ECE1: variants seen among roughly 807,000 people sequenced by gnomAD.
The protein encoded by ECE1 is endothelin converting enzyme 1, also known as endothelin-converting enzyme 1.
ECE1 carries 35 observed loss-of-function variants against 98.6 expected under a neutral mutation model. That is an observed-to-expected ratio of 0.35 (90% CI 0.27 to 0.47). The LOEUF (loss-of-function observed/expected upper bound fraction) is 0.47. Ranked by LOEUF, ECE1 falls within the 20% of genes least tolerant of loss-of-function variation. The pLI, the probability that ECE1 is intolerant of heterozygous loss-of-function variation, is 1.00. For synonymous variants in ECE1, 394 were observed against 407.1 expected, an observed-to-expected ratio of 0.97 and a Z score of 0.39; for missense variants, 814 against 1,025.3, an observed-to-expected ratio of 0.79 and a Z score of 2.81.
At position 21,260,786 on chromosome 1, in the gene ECE1, C is replaced by T. The variant is rs1362672040; in HGVS notation, c.494-394G>A. Among the ~76,000 whole-genome samples, 2 of 152,146 alleles carry T rather than the reference C, an allele frequency of 1.3e-5. No individual in the cohort carries two copies. Among genetic ancestry groups the T allele is most frequent in the Non-Finnish European group, 2.9e-5 (2 of 68,032 alleles). On this transcript the variant is annotated intron_variant, in intron 4 of 18. Transcript: ENST00000374893. This position sits in a 1 kb window ranked among gnomAD's most constrained non-coding sequence, Gnocchi z 4.3. ...AGAGGCCGGTCTTGGTTTTCAGATA[C>T]CAGATGATCTTTCTTGTGATAAAGA...
chr1:21,242,906 G>A (rs2098198331), intron 10 of ECE1, among the ~76,000 whole-genome samples: 1 of 152,206 alleles, frequency 6.6e-6, no homozygotes, highest in Admixed American at 6.5e-5. Context: ...TCAGCCTCCA[G>A]GGTAGCTGGG....
At chr1:21,276,684 CTTT>C (rs1163785168) in intron 3 of ECE1, among the ~76,000 whole-genome samples, 11 of 124,574 alleles carry the variant, frequency 8.8e-5, no homozygotes, top group Admixed American at 8.5e-5. Context: ...GATTTGCTTT[CTTT>C]TTTTTTTTTT....
At chr1:21,272,101 C>A (rs59878754) in intron 4 of ECE1, among the ~76,000 whole-genome samples, 1 of 152,168 alleles carries the variant, frequency 6.6e-6, no homozygotes, top group African/African-American at 2.4e-5. Context: ...ACACACCATG[C>A]TAATGCTTTA....
rs2076283 is a variant in ECE1, at chr1:21,260,952, C to T, written c.494-560G>A. ...CACCGCCCTTGCCAACTCCAGCAAGCAGCATCTCCCTCCTGCAGTGGCTTC... is the reference window on the plus strand; with the variant it reads ...CACCGCCCTTGCCAACTCCAGCAAGTAGCATCTCCCTCCTGCAGTGGCTTC... On this transcript the variant is annotated intron_variant, in intron 4 of 18. Coordinates refer to ENST00000374893, the MANE Select transcript of ECE1 (RefSeq NM_001397.3). This position sits in a 1 kb window ranked among gnomAD's most constrained non-coding sequence, Gnocchi z 4.3. Among the ~76,000 whole-genome samples, 1 of 152,094 alleles carries T rather than the reference C, an allele frequency of 6.6e-6. No homozygotes were observed. The highest frequency in any genetic ancestry group is 1.5e-5 in the Non-Finnish European group (1 of 67,996).
chr1:21,276,274 C>A (rs1289257816), intron 3 of ECE1, among the ~76,000 whole-genome samples: 2 of 152,116 alleles, frequency 1.3e-5, no homozygotes, highest in East Asian at 3.9e-4. Context: ...GATCCACCCG[C>A]CTCGGCCTCC....
chr1:21,279,229 A>T lies in ECE1; in HGVS notation c.242T>A (p.Val81Glu), dbSNP rs776410903. Residue 81 changes from valine (V) to glutamate (E), a missense_variant, in exon 3 of 19, where the codon GTG becomes GAG. Physicochemically the swap from Val to Glu is moderately radical, Grantham distance 121 (BLOSUM62 -2). This residue lies in a region of ECE1 where 257 missense variants were observed against 278.9 expected (regional missense o/e 0.92). Coordinates refer to ENST00000374893, the MANE Select transcript of ECE1 (RefSeq NM_001397.3). ...GATGCCCAGTGCTGCCAAGCAGGCC[A>T]CCAGTCCTGCCGCCAGAAGTACCAC... Reference protein sequence around the residue: ...VLVVLLAAGLVACLAALGIQY... With the variant: ...VLVVLLAAGLEACLAALGIQY... 6.2e-7 allele frequency: 1 copy of T among 1,614,124 alleles called. No homozygotes were observed. Among genetic ancestry groups the T allele is most frequent in the South Asian group, 1.1e-5 (1 of 91,080 alleles).
Position 21,290,429 on chromosome 1 carries a change from G to C in ECE1, c.-15C>G. The C allele has an allele frequency of 8.2e-7, 1 of 1,225,282 alleles. No homozygotes were observed. The highest frequency in any genetic ancestry group is 1.0e-6 in the Non-Finnish European group (1 of 984,220). The allele number at this position is 1,225,282 out of a possible 1,614,324, so 75.9% of individuals were successfully genotyped here. Reference sequence around the variant, plus strand: ...ACGCCCCGCATGCTGTGCCCCAGACGCCTGGTCCCGCTGCCCGGGTGGCCG... The same window carrying C: ...ACGCCCCGCATGCTGTGCCCCAGACCCCTGGTCCCGCTGCCCGGGTGGCCG... On this transcript the variant is annotated 5_prime_UTR_variant, in exon 1 of 19. Coordinates refer to ENST00000374893, the MANE Select transcript of ECE1 (RefSeq NM_001397.3). This position sits in a 1 kb window ranked among gnomAD's most constrained non-coding sequence, Gnocchi z 7.3.
intron 1 of ECE1, among the ~76,000 whole-genome samples, chr1:21,304,780 G>A (rs570268056): frequency 1.3e-5 from 2 of 152,174 alleles, no homozygotes; most frequent in East Asian, 3.9e-4. Flanking sequence ...CCTCACTTGT[G>A]CATTTCACTG....
chr1:21,341,369 A>C (rs1067219), intron 1 of ECE1, among the ~76,000 whole-genome samples: 3,995 of 152,312 alleles, frequency 0.026, 178 homozygotes, highest in African/African-American at 0.089. Context: ...CAGGAGGCTT[A>C]CCCAGTCAAT....
rs1050094132 is a variant in ECE1, at chr1:21,260,219, C to T, written c.615+52G>A. On this transcript the variant is annotated intron_variant, in intron 5 of 18. Coordinates refer to ENST00000374893, the MANE Select transcript of ECE1 (RefSeq NM_001397.3). This position sits in a 1 kb window ranked among gnomAD's most constrained non-coding sequence, Gnocchi z 4.3. The stretch of plus-strand genomic sequence containing the variant: ...GAAGGCTGGAGTGGAAGCCAGGGGG[C>T]GGGCAGGTGGCATGGGCCGGGGCTT... The T allele has an allele frequency of 8.1e-6, 13 of 1,612,096 alleles. No homozygotes were observed. Among genetic ancestry groups the T allele is most frequent in the Admixed American group, 1.7e-5 (1 of 59,958 alleles).
chr1:21,269,576 G>A (rs2098237855), intron 4 of ECE1, among the ~76,000 whole-genome samples: 1 of 152,200 alleles, frequency 6.6e-6, no homozygotes, highest in Non-Finnish European at 1.5e-5. Flanking sequence ...TTTGTAAGAA[G>A]TCTGGGTTGG....
intron 2 of ECE1, among the ~76,000 whole-genome samples, chr1:21,287,721 A>C (rs2098262230): frequency 1.3e-5 from 2 of 152,172 alleles, no homozygotes; most frequent in South Asian, 4.1e-4. Context: ...TATGATTTTT[A>C]ATGGCAGCAT....
intron 17 of ECE1, among the ~76,000 whole-genome samples, chr1:21,224,507 C>T (rs1019730157): frequency 1.3e-5 from 2 of 152,114 alleles, no homozygotes; most frequent in African/African-American, 2.4e-5. Flanking sequence ...ATCTGCAAAA[C>T]GGGGATTATA....
chr1:21,225,347 T>C lies in ECE1; in HGVS notation c.1943A>G (p.Gln648Arg). Residue 648 changes from glutamine (Q) to arginine (R), a missense_variant, in exon 17 of 19, where the codon CAG becomes CGG. Coordinates refer to ENST00000374893, the MANE Select transcript of ECE1 (RefSeq NM_001397.3). This position sits in a 1 kb window ranked among gnomAD's most constrained non-coding sequence, Gnocchi z 5.3. Reference protein sequence around the residue: ...FKRQTECMVEQYSNYSVNGEP... With the variant: ...FKRQTECMVERYSNYSVNGEP... ...CCCGTTCACGCTGTAGTTGCTGTAC[T>C]GCTCTACCATGCACTCGGTCTGACG... 1 of 1,614,240 alleles carries C rather than the reference T, an allele frequency of 6.2e-7. No individual in the cohort carries two copies. The highest frequency in any genetic ancestry group is 8.5e-7 in the Non-Finnish European group (1 of 1,180,038).
Position 21,260,235 on chromosome 1 carries a change from G to A in ECE1, c.615+36C>T, listed in dbSNP as rs1558394854. 1.2e-6 allele frequency: 2 copies of A among 1,614,176 alleles called. No individual in the cohort carries two copies. The highest frequency in any genetic ancestry group is 1.7e-5 in the Admixed American group (1 of 60,030). Reference sequence around the variant, plus strand: ...GCCAGGGGGCGGGCAGGTGGCATGGGCCGGGGCTTGGGGAGGGAGAGCCCG... The same window carrying A: ...GCCAGGGGGCGGGCAGGTGGCATGGACCGGGGCTTGGGGAGGGAGAGCCCG... On this transcript the variant is annotated intron_variant, in intron 5 of 18. Transcript: ENST00000374893. This position sits in a 1 kb window ranked among gnomAD's most constrained non-coding sequence, Gnocchi z 4.3.
rs1376935809 is a variant in ECE1, at chr1:21,290,423, C to T, written c.-9G>A. On this transcript the variant is annotated 5_prime_UTR_variant, in exon 1 of 19. Transcript: ENST00000374893. The surrounding 1 kb of genome is among the most constrained non-coding windows in gnomAD (Gnocchi z 7.3). ...GGCCACACGCCCCGCATGCTGTGCC[C>T]CAGACGCCTGGTCCCGCTGCCCGGG... 5 of 1,234,452 alleles carry T rather than the reference C, an allele frequency of 4.1e-6. No individual in the cohort carries two copies. Among genetic ancestry groups the T allele is most frequent in the Non-Finnish European group, 4.0e-6 (4 of 990,152 alleles). 76.5% of individuals were successfully genotyped at this position (1,234,452 alleles called of 1,614,324 possible).
chr1:21,315,052 T>C (rs1461141236), intron 1 of ECE1, among the ~76,000 whole-genome samples: 1 of 152,226 alleles, frequency 6.6e-6, no homozygotes, highest in Non-Finnish European at 1.5e-5. Context: ...TCCCTTGTAC[T>C]GTAATTAATA....
intron 1 of ECE1, among the ~76,000 whole-genome samples, chr1:21,301,260 C>T (rs1015617583): frequency 3.3e-5 from 5 of 150,754 alleles, no homozygotes; most frequent in South Asian, 2.1e-4. Flanking sequence ...TTTGGGAGGC[C>T]GAGGCGGGCG....
At chr1:21,279,384 C>T (rs1344438920) in intron 2 of ECE1, 52 bp from the exon 3 acceptor site, 6 of 1,613,390 alleles carry the variant, frequency 3.7e-6, no homozygotes, top group Non-Finnish European at 5.1e-6. Context: ...CCGGGCCCCG[C>T]TTCCCTTGGA....
Sources: allele counts gnomAD v4.1 joint callset (sites outside exome capture counted in the v4.1 genomes callset), GRCh38; gene constraint gnomAD v4.1.1; regional missense constraint gnomAD v4.1.1; non-coding constraint Gnocchi (gnomAD v3.1); transcripts MANE v1.5; gene names NCBI Gene and HGNC (gene_info 2026-07-23, HGNC 2026-07-21).